Variants in MAGI2 observed in about 807,000 individuals in gnomAD.
MAGI2 encodes the protein membrane associated guanylate kinase, WW and PDZ domain containing 2.
A neutral mutation model predicts 133.3 loss-of-function variants in MAGI2; 35 were observed. The ratio of observed to expected loss-of-function variants is 0.26; its 90% CI spans 0.20 to 0.35. The LOEUF (loss-of-function observed/expected upper bound fraction) is 0.35, where lower values mean the gene tolerates loss of function less well. Ranked by LOEUF, MAGI2 falls within the 10% of genes least tolerant of loss-of-function variation. The pLI, the probability that MAGI2 is intolerant of heterozygous loss-of-function variation, is 1.00. For missense variants in MAGI2, 1,636 were observed against 1,863.4 expected, an observed-to-expected ratio of 0.88 and a Z score of 2.25; for synonymous variants, 729 against 710.6, an observed-to-expected ratio of 1.03 and a Z score of -0.41.
At chr7:78,059,773 A>T (rs1249426506) in intron 21 of MAGI2, among the ~76,000 whole-genome samples, 8 of 77,218 alleles carry the variant, frequency 1.0e-4, no homozygotes, top group South Asian at 4.8e-4. Flanking sequence ...ATATATATAT[A>T]TATATTTTTT....
At chr7:78,350,236 A>G (rs1467046892) in intron 7 of MAGI2, 1 of 152,192 alleles carries the variant, frequency 6.6e-6, no homozygotes, top group Non-Finnish European at 1.5e-5. Flanking sequence ...ACATTCACTT[A>G]TCTGCAGTCT....
intron 2 of MAGI2, among the ~76,000 whole-genome samples, chr7:78,881,711 C>T (rs1795854442): frequency 6.6e-6 from 1 of 151,872 alleles, no homozygotes; most frequent in Non-Finnish European, 1.5e-5. Flanking sequence ...TCTGAATAAA[C>T]AACAAAGTTA....
chr7:78,211,484 A>G (rs1395528533), intron 10 of MAGI2, among the ~76,000 whole-genome samples: 1 of 152,192 alleles, frequency 6.6e-6, no homozygotes, highest in Non-Finnish European at 1.5e-5. Context: ...GGCACATGCT[A>G]TCAGGATGGA....
chr7:79,171,743 A>ATATAT lies in MAGI2; in HGVS notation c.302-164538_302-164537insATATA, dbSNP rs1554394140. ...AAAATTAAGCAAGACAATAGCCAAA[A>ATATAT]ATATATATATATATATATATATATA... On this transcript the variant is annotated intron_variant, in intron 1 of 21. Coordinates refer to ENST00000354212, the MANE Select transcript of MAGI2 (RefSeq NM_012301.4). Among the ~76,000 whole-genome samples, 207 of 29,508 alleles carry ATATAT rather than the reference A, an allele frequency of 7.0e-3. 66 individuals are homozygous for ATATAT. The highest frequency in any genetic ancestry group is 0.015 in the Non-Finnish European group (117 of 7,922). The allele number at this position is 29,508 out of a possible 152,430, so 19.4% of individuals were successfully genotyped here.
chr7:78,696,682 GAA>G (rs113620063), intron 2 of MAGI2, among the ~76,000 whole-genome samples: 1 of 144,550 alleles, frequency 6.9e-6, no homozygotes, highest in African/African-American at 2.5e-5. Flanking sequence ...GCAAACTGAT[GAA>G]AAAAAAAAGA....
chr7:78,886,799 G>T (rs1260498901), intron 2 of MAGI2, among the ~76,000 whole-genome samples: 1 of 152,076 alleles, frequency 6.6e-6, no homozygotes, highest in Non-Finnish European at 1.5e-5. Flanking sequence ...TCAATTATAT[G>T]TTTCTAAAGG....
intron 2 of MAGI2, among the ~76,000 whole-genome samples, chr7:78,838,034 A>G (rs2151456770): frequency 6.6e-6 from 1 of 152,200 alleles, no homozygotes; most frequent in East Asian, 1.9e-4. Context: ...GACATTGTAG[A>G]TTGACTCTCC....
chr7:79,042,014 A>G (rs1811714145), intron 1 of MAGI2, among the ~76,000 whole-genome samples: 1 of 152,180 alleles, frequency 6.6e-6, no homozygotes, highest in Non-Finnish European at 1.5e-5. Flanking sequence ...CAATATTAAA[A>G]TCTTTTGCTC....
chr7:78,036,575 A>G (rs539399873), intron 21 of MAGI2, among the ~76,000 whole-genome samples: 4 of 152,322 alleles, frequency 2.6e-5, no homozygotes, highest in African/African-American at 9.6e-5. Flanking sequence ...ATAGAAGTTA[A>G]GTGGCTCATC....
chr7:79,371,114 C>A (rs1168794687), intron 1 of MAGI2, among the ~76,000 whole-genome samples: 3 of 152,070 alleles, frequency 2.0e-5, no homozygotes, highest in Non-Finnish European at 4.4e-5. Flanking sequence ...ACTCCAGAGA[C>A]AGTAATATTT....
chr7:78,090,769 C>G (rs943197013), intron 20 of MAGI2, among the ~76,000 whole-genome samples: 2 of 152,138 alleles, frequency 1.3e-5, no homozygotes, highest in Non-Finnish European at 2.9e-5. Context: ...AAACAGCAAG[C>G]CTGTGCCAGC....
chr7:78,136,244 C>T (rs1367967478), intron 16 of MAGI2, among the ~76,000 whole-genome samples: 12 of 152,118 alleles, frequency 7.9e-5, no homozygotes, highest in Non-Finnish European at 1.0e-4. Context: ...CTCAGCTTCC[C>T]GAGTAGCTGG....
chr7:79,040,952 T>C (rs1259189699), intron 1 of MAGI2, among the ~76,000 whole-genome samples: 1 of 152,198 alleles, frequency 6.6e-6, no homozygotes, highest in African/African-American at 2.4e-5. Flanking sequence ...ACTACAGTTA[T>C]CAATAATAGA....
chr7:78,430,574 C>T (rs1438673953), intron 6 of MAGI2, among the ~76,000 whole-genome samples: 6 of 151,936 alleles, frequency 3.9e-5, no homozygotes, highest in East Asian at 1.9e-4. Context: ...ATTACTTTCT[C>T]TCATATTTGA....
At chr7:79,141,237 G>A (rs1040796804) in intron 1 of MAGI2, among the ~76,000 whole-genome samples, 1 of 152,128 alleles carries the variant, frequency 6.6e-6, no homozygotes, top group Non-Finnish European at 1.5e-5. Flanking sequence ...TTCATCAGGT[G>A]CAACATTTAC....
At chr7:78,954,846 CTTA>C in intron 2 of MAGI2, among the ~76,000 whole-genome samples, 1 of 152,082 alleles carries the variant, frequency 6.6e-6, no homozygotes, top group Middle Eastern at 3.4e-3. Flanking sequence ...GTAGGTTTTG[CTTA>C]TAATTCAGCA....
At chr7:78,119,557 CAAAAAAAAAA>C (rs1166809821) in intron 20 of MAGI2, among the ~76,000 whole-genome samples, 6 of 48,926 alleles carry the variant, frequency 1.2e-4, no homozygotes, top group African/African-American at 3.8e-4. Flanking sequence ...TGAGACTCCT[CAAAAAAAAAA>C]AAAAAAAAAA....
rs1828655490 is a variant in MAGI2 at position 79,202,012 on chromosome 7, C to T, written c.302-194806G>A. ...TGATTAAAGACATTAGTTGAATTTG[C>T]TTTTGGTGATATGATAACACTACTG... On this transcript the variant is annotated intron_variant, in intron 1 of 21. Coordinates refer to ENST00000354212, the MANE Select transcript of MAGI2 (RefSeq NM_012301.4). Among the ~76,000 whole-genome samples the T allele has an allele frequency of 2.0e-5, 3 of 151,690 alleles. No homozygotes were observed. The South Asian group carries it at 6.3e-4, about 32-fold the overall frequency.
chr7:78,960,503 C>T (rs966079789), intron 2 of MAGI2, among the ~76,000 whole-genome samples: 1 of 151,760 alleles, frequency 6.6e-6, no homozygotes, highest in Non-Finnish European at 1.5e-5. Context: ...TCTTTAGTGG[C>T]CTTGAGACAT....
Sources: gnomAD v4.1 joint callset for allele counts (sites outside exome capture counted in the v4.1 genomes callset) on GRCh38, gnomAD v4.1.1 for gene constraint, MANE v1.5 for transcripts, NCBI Gene and HGNC (gene_info 2026-07-23, HGNC 2026-07-21) for gene names.